The following ANXA2 variants were observed in gnomAD, a reference collection of about 807,000 sequenced individuals.
ANXA2 encodes annexin II.
In ANXA2, 28 loss-of-function variants were observed where a neutral mutation model predicts 47.3. That is an observed-to-expected ratio of 0.59 (90% confidence interval 0.44 to 0.81). The LOEUF is 0.81. ANXA2 is among the 40% of genes least tolerant of loss of function. The probability of loss-of-function intolerance (pLI) is 0.00; values close to 1 mark genes in which losing one functional copy is unlikely to be tolerated. For missense variants in ANXA2, 384 were observed against 414.3 expected (o/e 0.93, Z 0.64); for synonymous variants, 172 against 155.5 (o/e 1.11, Z -0.79).
chr15:60,372,533 C>T (rs747268920), intron 3 of ANXA2, among the ~76,000 whole-genome samples: 2 of 152,138 alleles, frequency 1.3e-5, no homozygotes, highest in Non-Finnish European at 2.9e-5. Flanking sequence ...GGGGCCTGCT[C>T]TTACCTGACG....
chr15:60,376,392 AAG>A (rs1286251181), intron 3 of ANXA2, among the ~76,000 whole-genome samples: 28 of 152,012 alleles, frequency 1.8e-4, no homozygotes, highest in African/African-American at 6.8e-4. Flanking sequence ...AAAAAAAAAA[AAG>A]AAGACGACGA....
chr15:60,396,482 T>A (rs2063082902), intron 1 of ANXA2: 1 of 151,662 alleles, frequency 6.6e-6, no homozygotes, highest in African/African-American at 2.4e-5. Flanking sequence ...AGACATAATT[T>A]TCCAATTAAA....
At chr15:60,383,091 T>A (rs1165407597) in intron 2 of ANXA2, 1 of 152,778 alleles carries the variant, frequency 6.5e-6, no homozygotes, top group Non-Finnish European at 1.5e-5. Context: ...TATTGCCTTC[T>A]AAACCATACC....
At chr15:60,349,784 G>A (rs924986045) in intron 11 of ANXA2, among the ~76,000 whole-genome samples, 3 of 139,038 alleles carry the variant, frequency 2.2e-5, no homozygotes, top group African/African-American at 8.1e-5. Context: ...GAAGGAAGGA[G>A]AGAGAAAGAG....
intron 3 of ANXA2, among the ~76,000 whole-genome samples, chr15:60,371,900 C>A (rs1406808033): frequency 1.3e-5 from 2 of 152,128 alleles, no homozygotes; most frequent in African/African-American, 4.8e-5. Context: ...GCCTATAATC[C>A]CAGCACTTTG....
intron 1 of ANXA2, 193 bp from the exon 2 acceptor site, chr15:60,386,279 G>T (rs368275388): frequency 1.8e-6 from 1 of 565,382 alleles, no homozygotes; most frequent in African/African-American, 1.9e-5. Flanking sequence ...CCTTGGGTTG[G>T]GATGGACTAC....
rs139028724 is a variant in ANXA2, at chr15:60,382,199, G to A, written c.148+143C>T. ...AGGGAAGGAAGGAAAGGAGGCATGG[G>A]TTGAGCTAGGTCTGGATCTACTCCA... On this transcript the variant is annotated intron_variant, in intron 3 of 12. Coordinates refer to ENST00000451270, the MANE Select transcript of ANXA2 (RefSeq NM_004039.3). The A allele has an allele frequency of 0.012, 6,829 of 592,546 alleles. 661 individuals are homozygous for A. In the Admixed American group the frequency reaches 0.17, roughly 15 times the overall value. 36.7% of individuals were successfully genotyped at this position (592,546 alleles called of 1,614,324 possible).
chr15:60,361,291 C>T (rs1166636869), intron 4 of ANXA2, among the ~76,000 whole-genome samples: 2 of 152,108 alleles, frequency 1.3e-5, no homozygotes, highest in Non-Finnish European at 2.9e-5. Flanking sequence ...TGCCGTCTTC[C>T]CCGGTCAATA....
intron 4 of ANXA2, chr15:60,362,840 T>C (rs12441980): frequency 0.79 from 119,940 of 151,784 alleles, 47,820 homozygotes; most frequent in African/African-American, 0.87. Context: ...CTAGAGGGTA[T>C]GTGGGAGCTT....
intron 5 of ANXA2, among the ~76,000 whole-genome samples, chr15:60,359,673 CTT>C (rs1031104960): frequency 1.3e-5 from 2 of 152,218 alleles, no homozygotes; most frequent in Admixed American, 6.5e-5. Context: ...CACCCTCACT[CTT>C]GTGTTCTCTG....
At chr15:60,365,020 C>T (rs1162245183) in intron 3 of ANXA2, among the ~76,000 whole-genome samples, 2 of 64,128 alleles carry the variant, frequency 3.1e-5, no homozygotes, top group Non-Finnish European at 7.1e-5. Context: ...TAAAAACTGT[C>T]ATGACAAATG....
intron 3 of ANXA2, 64 bp from the exon 4 acceptor site, chr15:60,364,587 G>A: frequency 7.8e-7 from 1 of 1,285,966 alleles, no homozygotes; most frequent in Middle Eastern, 1.9e-4. Context: ...TTACATAGAA[G>A]GTGTCAAGCA....
intron 1 of ANXA2, among the ~76,000 whole-genome samples, chr15:60,389,659 C>T (rs2062981369): frequency 6.6e-6 from 1 of 152,226 alleles, no homozygotes; most frequent in South Asian, 2.1e-4. Context: ...CTAAATCTCC[C>T]CATTTAATCT....
At chr15:60,388,918 A>G (rs1453147547) in intron 1 of ANXA2, among the ~76,000 whole-genome samples, 35 of 141,044 alleles carry the variant, frequency 2.5e-4, no homozygotes, top group Non-Finnish European at 4.1e-4. Flanking sequence ...TTTTTTTTCC[A>G]GTAGAGATAA....
chr15:60,347,318 C>T lies in ANXA2; in HGVS notation c.*312G>A, dbSNP rs1595654418. On this transcript the variant is annotated 3_prime_UTR_variant, in exon 13 of 13. Transcript: ENST00000451270. ...TCAAACAATTCAGTTGAAAGCAGGG[C>T]CACAAAGTACGTGTTTCTAAAGTAC... 2.1e-5 allele frequency: 8 copies of T among 388,104 alleles called. No homozygotes were observed. The highest frequency in any genetic ancestry group is 1.9e-4 in the East Asian group (4 of 21,064). 24.0% of individuals were successfully genotyped at this position (388,104 alleles called of 1,614,324 possible).
chr15:60,356,088 AAGC>A, intron 6 of ANXA2, 90 bp from the exon 7 acceptor site: 1 of 956,346 alleles, frequency 1.0e-6, no homozygotes, highest in South Asian at 1.4e-5. Flanking sequence ...AGACTCTGAG[AAGC>A]AGAACAGCTA....
Position 60,386,017 on chromosome 15 carries a change from G to A in ANXA2, c.48+11C>T, listed in dbSNP as rs774972503. On this transcript the variant is annotated intron_variant, in intron 2 of 12. Transcript: ENST00000451270. ...TGCAAAAATTATATAAAGTGAAAGT[G>A]ATATACTTACATCACCCTCCAAGCT... 1 of 1,601,588 alleles carries A rather than the reference G, an allele frequency of 6.2e-7. No homozygotes were observed. The highest frequency in any genetic ancestry group is 8.5e-7 in the Non-Finnish European group (1 of 1,170,746).
intron 12 of ANXA2, 85 bp from the exon 13 acceptor site, chr15:60,347,774 A>G: frequency 8.4e-6 from 10 of 1,191,166 alleles, no homozygotes; most frequent in Non-Finnish European, 1.1e-5. Flanking sequence ...CTCAACGCAC[A>G]ATGAAGCTTC....
At chr15:60,364,907 G>A (rs2062571512) in intron 3 of ANXA2, among the ~76,000 whole-genome samples, 1 of 151,122 alleles carries the variant, frequency 6.6e-6, no homozygotes, top group South Asian at 2.1e-4. Flanking sequence ...TTTAACTCGG[G>A]ATTTAATAGA....
Sources: gnomAD v4.1 joint callset for allele counts (sites outside exome capture counted in the v4.1 genomes callset) on GRCh38, gnomAD v4.1.1 for gene constraint, MANE v1.5 for transcripts, NCBI Gene and HGNC (gene_info 2026-07-23, HGNC 2026-07-21) for gene names.